Variants in ROR2 observed in about 807,000 individuals in gnomAD.
The protein encoded by ROR2 is tyrosine-protein kinase transmembrane receptor ROR2.
A neutral mutation model predicts 74.9 loss-of-function variants in ROR2; 33 were observed. That is an observed-to-expected ratio of 0.44 (90% CI 0.33 to 0.59). ROR2 has a LOEUF of 0.59. Among genes scored for constraint, ROR2 ranks in the 20% least tolerant of loss-of-function variants. ROR2 has a pLI of 0.02. For synonymous variants in ROR2, 586 were observed against 558.7 expected (o/e 1.05, Z -0.69); for missense variants, 1,216 against 1,313.8 (o/e 0.93, Z 1.15).
chr9:91,736,470 C>G (rs1360483567), intron 5 of ROR2, among the ~76,000 whole-genome samples: 1 of 152,194 alleles, frequency 6.6e-6, no homozygotes, highest in Non-Finnish European at 1.5e-5. Context: ...CAGAGATCAC[C>G]CACTGACTCT....
chr9:91,749,390 A>G (rs907285624), intron 4 of ROR2, among the ~76,000 whole-genome samples: 3 of 152,164 alleles, frequency 2.0e-5, no homozygotes, highest in African/African-American at 4.8e-5. Context: ...ATGGCACCTG[A>G]GATCTCTGTA....
At chr9:91,765,337 G>A (rs1353453116) in intron 2 of ROR2, among the ~76,000 whole-genome samples, 1 of 152,046 alleles carries the variant, frequency 6.6e-6, no homozygotes, top group Non-Finnish European at 1.5e-5. Context: ...TTTCTTCTAT[G>A]TGGTTTCTGT....
chr9:91,742,407 G>A (rs867976435), intron 4 of ROR2, among the ~76,000 whole-genome samples: 4 of 152,200 alleles, frequency 2.6e-5, no homozygotes, highest in Admixed American at 1.3e-4. Context: ...GTATCACAGG[G>A]CTTTAAAGTA....
chr9:91,837,574 G>T (rs763971229), intron 1 of ROR2, among the ~76,000 whole-genome samples: 5 of 152,218 alleles, frequency 3.3e-5, no homozygotes, highest in Non-Finnish European at 7.3e-5. Context: ...CCAAAGGTAA[G>T]CGATCTTAAG....
At chr9:91,815,041 A>T (rs1351582002) in intron 1 of ROR2, among the ~76,000 whole-genome samples, 1 of 152,240 alleles carries the variant, frequency 6.6e-6, no homozygotes, top group Non-Finnish European at 1.5e-5. Context: ...CTGCCTGTTC[A>T]GAAAACAGGA....
In ROR2 at chr9:91,724,981, C is replaced by T. The variant is rs767359197; in HGVS notation, c.1513G>A (p.Ala505Thr). 4 of 1,613,636 alleles carry T rather than the reference C, an allele frequency of 2.5e-6. No homozygotes were observed. Among genetic ancestry groups the T allele is most frequent in the East Asian group, 4.5e-5 (2 of 44,886 alleles). ...PAPGEQTQAVAIKTLKDKAEG... is the reference protein window; with the variant it reads ...PAPGEQTQAVTIKTLKDKAEG... ...GCTTTGTCCTTCAGCGTTTTGATGG[C>T]CACAGCCTGGGTCTGCTCCCCCGGG... Residue 505 changes from alanine to threonine, a missense_variant, in exon 9 of 9, where the codon GCC becomes ACC. By Grantham distance (58) the Ala-to-Thr change is moderately conservative (BLOSUM62 0). Transcript: ENST00000375708.
chr9:91,839,841 G>C (rs1339489159), intron 1 of ROR2, among the ~76,000 whole-genome samples: 1 of 152,020 alleles, frequency 6.6e-6, no homozygotes, highest in Non-Finnish European at 1.5e-5. Flanking sequence ...CGACACTCCT[G>C]AGGGTGATCT....
chr9:91,907,472 C>A (rs144265489), intron 1 of ROR2, among the ~76,000 whole-genome samples: 17 of 152,154 alleles, frequency 1.1e-4, no homozygotes, highest in Non-Finnish European at 2.2e-4. Context: ...GATATCAGCA[C>A]GTTAAACCCT....
chr9:91,836,539 C>CAAAAAA (rs753563302), intron 1 of ROR2, among the ~76,000 whole-genome samples: 4,423 of 102,242 alleles, frequency 0.043, 109 homozygotes, highest in East Asian at 0.097. Context: ...GATTCCATCT[C>CAAAAAA]AAAAAAAAAA....
chr9:91,817,538 T>A (rs938423349), intron 1 of ROR2, among the ~76,000 whole-genome samples: 2 of 152,196 alleles, frequency 1.3e-5, no homozygotes, highest in African/African-American at 4.8e-5. Context: ...CTTGGCCACC[T>A]GTGCACGTCT....
At chr9:91,726,471 T>C in intron 8 of ROR2, 70 bp downstream of exon 8, 1 of 1,370,532 alleles carries the variant, frequency 7.3e-7, no homozygotes, top group East Asian at 2.3e-5. Context: ...ACATTTAATG[T>C]TGGGGGAAAC....
intron 1 of ROR2, among the ~76,000 whole-genome samples, chr9:91,890,469 T>C (rs1830397269): frequency 6.6e-6 from 1 of 152,246 alleles, no homozygotes; most frequent in South Asian, 2.1e-4. Context: ...TCGTAGACGC[T>C]GCACTCCTTA....
At chr9:91,758,109 T>C (rs1224706094) in intron 2 of ROR2, among the ~76,000 whole-genome samples, 2 of 152,200 alleles carry the variant, frequency 1.3e-5, no homozygotes, top group Non-Finnish European at 2.9e-5. Flanking sequence ...AAAGGCCACA[T>C]GTTCACAATA....
At chr9:91,889,313 G>A (rs562738732) in intron 1 of ROR2, among the ~76,000 whole-genome samples, 86 of 152,296 alleles carry the variant, frequency 5.6e-4, no homozygotes, top group African/African-American at 1.9e-3. Flanking sequence ...GGCACACAAC[G>A]CTGGGCCACT....
chr9:91,944,480 A>G (rs1214824482), intron 1 of ROR2, among the ~76,000 whole-genome samples: 2 of 152,246 alleles, frequency 1.3e-5, no homozygotes, highest in Non-Finnish European at 2.9e-5. Flanking sequence ...AAGAGCTACA[A>G]AAATGCTATT....
rs542396423 is a variant in ROR2 at position 91,723,482 on chromosome 9, G to T, written c.*180C>A. ...GCCTGGCTTGGGTGCTCCTAGGCAG[G>T]GCAGCTCTCTGTGTCAGAGGACAGA... On this transcript the variant is annotated 3_prime_UTR_variant, in exon 9 of 9. Transcript: ENST00000375708. The T allele has an allele frequency of 2.1e-6, 2 of 965,914 alleles. No individual in the cohort carries two copies. The highest frequency in any genetic ancestry group is 3.6e-5 in the African/African-American group (2 of 56,172). The allele number at this position is 965,914 out of a possible 1,614,324, so 59.8% of individuals were successfully genotyped here. A position where few individuals can be genotyped will look rare whatever the true frequency, so the allele number is the denominator to read the frequency against.
chr9:91,907,681 C>T (rs1211458083), intron 1 of ROR2, among the ~76,000 whole-genome samples: 1 of 152,140 alleles, frequency 6.6e-6, no homozygotes, highest in African/African-American at 2.4e-5. Flanking sequence ...GCTGGCTTCC[C>T]AAATTCCTGA....
At chr9:91,915,591 G>A (rs1831106504) in intron 1 of ROR2, among the ~76,000 whole-genome samples, 1 of 150,314 alleles carries the variant, frequency 6.7e-6, no homozygotes, top group Non-Finnish European at 1.5e-5. Context: ...AAAGAACAAA[G>A]ATTCCACAGC....
rs7036174 is a variant in ROR2, at chr9:91,768,521, C to T, written c.175+7220G>A. ...AAGCTCAGGAAGAATCACTGCTGTC[C>T]GTGTGTGTCACCCGCAGGAGGAAGA... On this transcript the variant is annotated intron_variant, in intron 2 of 8. Coordinates refer to ENST00000375708, the MANE Select transcript of ROR2 (RefSeq NM_004560.4). 8.4e-3 allele frequency among the ~76,000 whole-genome samples: 1,277 copies of T among 152,248 alleles called. 24 individuals are homozygous for T. Among genetic ancestry groups the T allele is most frequent in the African/African-American group, 0.028 (1,161 of 41,544 alleles).
Sources: allele counts gnomAD v4.1 joint callset (sites outside exome capture counted in the v4.1 genomes callset), GRCh38; gene constraint gnomAD v4.1.1; transcripts MANE v1.5; gene names NCBI Gene and HGNC (gene_info 2026-07-23, HGNC 2026-07-21).